STEAP1B: variants seen among roughly 807,000 people sequenced by gnomAD.
STEAP1B encodes STEAP family protein MGC87042.
Under a neutral mutation model 27.9 loss-of-function variants are expected in STEAP1B, and 13 were observed. That is an observed-to-expected ratio of 0.47 (90% CI 0.30 to 0.74). The LOEUF (loss-of-function observed/expected upper bound fraction) is 0.74. Ranked by LOEUF, STEAP1B falls within the 30% of genes least tolerant of loss-of-function variation. STEAP1B has a pLI of 0.06. For synonymous variants in STEAP1B, 86 were observed against 107.1 expected, an observed-to-expected ratio of 0.80 and a Z score of 1.22; for missense variants, 250 against 298.7, an observed-to-expected ratio of 0.84 and a Z score of 1.20.
At chr7:22,420,864 TGAAGAAACTGAGGCACAGAG>T (rs1261058764) in intron 4 of STEAP1B, among the ~76,000 whole-genome samples, 3 of 152,194 alleles carry the variant, frequency 2.0e-5, no homozygotes, top group African/African-American at 7.2e-5. Flanking sequence ...ATCTTACAGA[TGAAGAAACTGAGGCACAGAG>T]AGAATAGGGA....
chr7:22,454,849 G>GAATATAAA (rs1785549234), intron 4 of STEAP1B, among the ~76,000 whole-genome samples: 6 of 100,900 alleles, frequency 5.9e-5, no homozygotes, highest in Non-Finnish European at 9.9e-5. Flanking sequence ...ATATATATAT[G>GAATATAAA]TATATATATA....
At chr7:22,454,658 C>T (rs572720239) in intron 4 of STEAP1B, among the ~76,000 whole-genome samples, 4 of 151,848 alleles carry the variant, frequency 2.6e-5, no homozygotes, top group Admixed American at 2.6e-4. Flanking sequence ...ATTTTAGGAG[C>T]TGTGCACGGC....
At chr7:22,488,628 CA>C (rs1353396303) in intron 4 of STEAP1B, among the ~76,000 whole-genome samples, 1 of 152,160 alleles carries the variant, frequency 6.6e-6, no homozygotes, top group East Asian at 1.9e-4. Flanking sequence ...AAGATGGAAA[CA>C]AAAGTTCTTG....
At chr7:22,436,549 C>T (rs1358920133) in intron 4 of STEAP1B, among the ~76,000 whole-genome samples, 1 of 152,088 alleles carries the variant, frequency 6.6e-6, no homozygotes, top group African/African-American at 2.4e-5. Context: ...TCCTCCCACC[C>T]TCCACCCTCC....
chr7:22,494,279 A>G (rs1786398577), intron 2 of STEAP1B, among the ~76,000 whole-genome samples: 1 of 151,818 alleles, frequency 6.6e-6, no homozygotes, highest in African/African-American at 2.4e-5. Flanking sequence ...GTGTTTGACC[A>G]AAAGTGGAAA....
chr7:22,468,653 T>C (rs1583646116), intron 4 of STEAP1B, among the ~76,000 whole-genome samples: 1 of 152,172 alleles, frequency 6.6e-6, no homozygotes, highest in Non-Finnish European at 1.5e-5. Context: ...CACAGGGGCT[T>C]AGGTTAAAAA....
intron 1 of STEAP1B, 98 bp from the exon 2 acceptor site, chr7:22,494,984 T>G: frequency 5.2e-6 from 3 of 578,166 alleles, no homozygotes; most frequent in Non-Finnish European, 8.7e-6. Flanking sequence ...AAGACTAGAA[T>G]GGCAGATAAA....
chr7:22,477,080 G>A (rs150202367), intron 4 of STEAP1B, among the ~76,000 whole-genome samples: 4 of 152,292 alleles, frequency 2.6e-5, no homozygotes, highest in Non-Finnish European at 2.9e-5. Flanking sequence ...GTGACGTCAC[G>A]CACCTTCCCC....
chr7:22,421,084 G>C (rs1476398401), intron 4 of STEAP1B, among the ~76,000 whole-genome samples: 1 of 152,200 alleles, frequency 6.6e-6, no homozygotes, highest in African/African-American at 2.4e-5. Context: ...TCCAACATCA[G>C]TTATGTCTGG....
intron 4 of STEAP1B, among the ~76,000 whole-genome samples, chr7:22,452,286 C>A (rs915530157): frequency 6.6e-6 from 1 of 152,140 alleles, no homozygotes; most frequent in Non-Finnish European, 1.5e-5. Flanking sequence ...AGAACTGTCA[C>A]CACTGAAATG....
At chr7:22,448,421 C>A (rs1348770882) in intron 4 of STEAP1B, among the ~76,000 whole-genome samples, 1 of 151,968 alleles carries the variant, frequency 6.6e-6, no homozygotes, top group Non-Finnish European at 1.5e-5. Flanking sequence ...CTCATATTTC[C>A]ATTTCATTTC....
chr7:22,477,098 G>A (rs1785986330), intron 4 of STEAP1B, among the ~76,000 whole-genome samples: 1 of 152,170 alleles, frequency 6.6e-6, no homozygotes, highest in Non-Finnish European at 1.5e-5. Flanking sequence ...CCCATACAAG[G>A]GAACCTAATG....
intron 4 of STEAP1B, among the ~76,000 whole-genome samples, chr7:22,458,386 C>G (rs890473458): frequency 1.3e-5 from 2 of 152,136 alleles, no homozygotes; most frequent in African/African-American, 2.4e-5. Context: ...GAGTTGATGC[C>G]TCAGTGGAAT....
At chr7:22,434,234 C>T (rs931031019) in intron 4 of STEAP1B, among the ~76,000 whole-genome samples, 5 of 152,164 alleles carry the variant, frequency 3.3e-5, no homozygotes, top group Admixed American at 6.5e-5. Flanking sequence ...GACAGGAAGC[C>T]GGCTTTCCGT....
chr7:22,473,695 G>GT lies in STEAP1B; in HGVS notation c.762+18869dup, dbSNP rs1785925281. 4.6e-5 allele frequency among the ~76,000 whole-genome samples: 7 copies of GT among 152,284 alleles called. No individual in the cohort carries two copies. The South Asian group carries it at 1.5e-3, about 32-fold the overall frequency. On this transcript the variant is annotated intron_variant, in intron 4 of 4. Transcript: ENST00000678116. ...GAAGACTGGATTCTGTTTTAAGATG[G>GT]TATATTTTTGCTCCATAGATGATTG...
intron 1 of STEAP1B, among the ~76,000 whole-genome samples, chr7:22,499,225 G>A (rs1786493130): frequency 6.6e-6 from 1 of 152,170 alleles, no homozygotes; most frequent in Non-Finnish European, 1.5e-5. Context: ...CCTAAATGTT[G>A]GCACAGCCCA....
chr7:22,478,165 T>A (rs531659894), intron 4 of STEAP1B, among the ~76,000 whole-genome samples: 1 of 152,258 alleles, frequency 6.6e-6, no homozygotes, highest in East Asian at 1.9e-4. Context: ...CTGGTCACAA[T>A]TAGTCTTCCA....
At chr7:22,420,868 G>A (rs2128397623) in intron 4 of STEAP1B, among the ~76,000 whole-genome samples, 1 of 152,278 alleles carries the variant, frequency 6.6e-6, no homozygotes, top group South Asian at 2.1e-4. Context: ...TACAGATGAA[G>A]AAACTGAGGC....
At chr7:22,475,437 T>A (rs1159819877) in intron 4 of STEAP1B, among the ~76,000 whole-genome samples, 1 of 152,206 alleles carries the variant, frequency 6.6e-6, no homozygotes, top group East Asian at 1.9e-4. Context: ...GCAATGAGGA[T>A]CACAGCTCAC....
Sources: gnomAD v4.1 joint callset for allele counts (sites outside exome capture counted in the v4.1 genomes callset) on GRCh38, gnomAD v4.1.1 for gene constraint, MANE v1.5 for transcripts, NCBI Gene and HGNC (gene_info 2026-07-23, HGNC 2026-07-21) for gene names.